Variants in MPZL1 observed in about 807,000 individuals in gnomAD.
MPZL1 encodes myelin protein zero-like protein 1.
MPZL1 carries 16 observed loss-of-function variants against 29.3 expected under a neutral mutation model. That is an observed-to-expected ratio of 0.55 (90% CI 0.37 to 0.83). The LOEUF (loss-of-function observed/expected upper bound fraction) is 0.83. Among genes scored for constraint, MPZL1 ranks in the 40% least tolerant of loss-of-function variants. The pLI, the probability that MPZL1 is intolerant of heterozygous loss-of-function variation, is 0.00. For missense variants in MPZL1, 279 were observed against 332.9 expected (o/e 0.84, Z 1.26); for synonymous variants, 143 against 132.0 (o/e 1.08, Z -0.57).
At chr1:167,761,769 G>A (rs1558119116) in intron 1 of MPZL1, among the ~76,000 whole-genome samples, 1 of 152,204 alleles carries the variant, frequency 6.6e-6, no homozygotes, top group Non-Finnish European at 1.5e-5. Context: ...TTGTCCAGCT[G>A]TGGTCAGCCA....
At chr1:167,780,674 C>T (rs1434334389) in intron 5 of MPZL1, among the ~76,000 whole-genome samples, 1 of 152,090 alleles carries the variant, frequency 6.6e-6, no homozygotes, top group Non-Finnish European at 1.5e-5. Flanking sequence ...CTACTAATAT[C>T]CCATACCCTA....
At position 167,724,917 on chromosome 1, in the gene MPZL1, CAA is replaced by C. The variant is rs903501301; in HGVS notation, c.91+2677_91+2678del. Among the ~76,000 whole-genome samples, 182 of 152,188 alleles carry C rather than the reference CAA, an allele frequency of 1.2e-3. 2 individuals carry two copies. Among genetic ancestry groups the C allele is most frequent in the African/African-American group, 4.2e-3 (175 of 41,518 alleles). On this transcript the variant is annotated intron_variant, in intron 1 of 5. Transcript: ENST00000359523. The stretch of plus-strand genomic sequence containing the variant: ...GAGTTTTGGGGTATATGAAACCTGA[CAA>C]AGAGTCTCTGTGAGTAAGAGAAAAA...
At chr1:167,767,562 A>G (rs1438156842) in intron 2 of MPZL1, among the ~76,000 whole-genome samples, 1 of 152,238 alleles carries the variant, frequency 6.6e-6, no homozygotes, top group Non-Finnish European at 1.5e-5. Flanking sequence ...ATTGCAGTTA[A>G]TCCCAGCATG....
chr1:167,745,277 A>T (rs1660621444), intron 1 of MPZL1, among the ~76,000 whole-genome samples: 1 of 152,080 alleles, frequency 6.6e-6, no homozygotes, highest in Admixed American at 6.6e-5. Context: ...ATCAAAAATG[A>T]TGTCAGACTC....
At chr1:167,763,669 A>G (rs1005601441) in intron 1 of MPZL1, among the ~76,000 whole-genome samples, 2 of 152,194 alleles carry the variant, frequency 1.3e-5, no homozygotes, top group Non-Finnish European at 2.9e-5. Context: ...AAGCTGGTCC[A>G]CTAGTCTAGT....
chr1:167,778,022 A>G (rs966722485), intron 5 of MPZL1, among the ~76,000 whole-genome samples: 4 of 152,192 alleles, frequency 2.6e-5, no homozygotes, highest in Admixed American at 6.5e-5. Flanking sequence ...TCTGGCACCA[A>G]TCAAAAACTA....
At chr1:167,754,933 A>G (rs1449795127) in intron 1 of MPZL1, among the ~76,000 whole-genome samples, 4 of 152,192 alleles carry the variant, frequency 2.6e-5, no homozygotes, top group African/African-American at 9.7e-5. Flanking sequence ...CAGATTTCCC[A>G]TCTGTCTCCT....
At chr1:167,768,050 C>T (rs1307925149) in intron 2 of MPZL1, among the ~76,000 whole-genome samples, 1 of 151,928 alleles carries the variant, frequency 6.6e-6, no homozygotes, top group African/African-American at 2.4e-5. Flanking sequence ...TAACTGTGTG[C>T]CTGGTCTTGT....
chr1:167,768,882 AG>A (rs1321997860), intron 2 of MPZL1, among the ~76,000 whole-genome samples: 1 of 152,218 alleles, frequency 6.6e-6, no homozygotes, highest in Non-Finnish European at 1.5e-5. Flanking sequence ...TGTTGTGGGA[AG>A]GGAAGGCAGA....
At chr1:167,725,994 CCTT>C (rs1362392640) in intron 1 of MPZL1, among the ~76,000 whole-genome samples, 1 of 152,204 alleles carries the variant, frequency 6.6e-6, no homozygotes, top group African/African-American at 2.4e-5. Context: ...GATCATGTTG[CCTT>C]CTTTTTTAAA....
intron 1 of MPZL1, among the ~76,000 whole-genome samples, chr1:167,729,824 T>C (rs1468831893): frequency 2.6e-5 from 4 of 152,256 alleles, no homozygotes; most frequent in Admixed American, 1.3e-4. Flanking sequence ...GATTTACTTA[T>C]ATACTCCTCA....
At chr1:167,739,085 G>A (rs1303821959) in intron 1 of MPZL1, among the ~76,000 whole-genome samples, 3 of 151,482 alleles carry the variant, frequency 2.0e-5, no homozygotes, top group African/African-American at 4.9e-5. Context: ...GGGACCACAG[G>A]TGCACACCAC....
intron 1 of MPZL1, among the ~76,000 whole-genome samples, chr1:167,738,352 A>G (rs895692356): frequency 7.9e-5 from 12 of 152,226 alleles, no homozygotes; most frequent in Non-Finnish European, 1.5e-4. Context: ...TCAGTGCACA[A>G]AAATGAACAT....
intron 2 of MPZL1, among the ~76,000 whole-genome samples, chr1:167,766,299 T>C (rs1339113490): frequency 6.6e-6 from 1 of 152,208 alleles, no homozygotes; most frequent in African/African-American, 2.4e-5. Context: ...ATAAAGGATG[T>C]AACAGAAATA....
rs1402643570 is a variant in MPZL1, at chr1:167,730,265, T to C, written c.91+8023T>C. Among the ~76,000 whole-genome samples the C allele has an allele frequency of 2.0e-5, 3 of 152,138 alleles. No individual in the cohort carries two copies. In the East Asian group the frequency reaches 5.8e-4, roughly 29 times the overall value. The stretch of plus-strand genomic sequence containing the variant: ...CAGGGATTTTTAATGATGTTCTTTT[T>C]TTTTTCTTTTTCTTTCTTTCTTTTC... On this transcript the variant is annotated intron_variant, in intron 1 of 5. Coordinates refer to ENST00000359523, the MANE Select transcript of MPZL1 (RefSeq NM_003953.6).
Position 167,788,278 on chromosome 1 carries a change from G to A in MPZL1, c.*357G>A, listed in dbSNP as rs976058769. The A allele has an allele frequency of 7.1e-5, 16 of 226,310 alleles. No homozygotes were observed. The highest frequency in any genetic ancestry group is 1.4e-4 in the Non-Finnish European group (16 of 112,354). 14.0% of individuals were successfully genotyped at this position (226,310 alleles called of 1,614,324 possible). A position where few individuals can be genotyped will look rare whatever the true frequency, so the allele number is the denominator to read the frequency against. ...CTTAATGGAGACAATAGCAGATCCT[G>A]TAGTATTTCCAGTAGACATGGCCTT... is the stretch of plus-strand genomic sequence containing the variant. On this transcript the variant is annotated 3_prime_UTR_variant, in exon 6 of 6. Coordinates refer to ENST00000359523, the MANE Select transcript of MPZL1 (RefSeq NM_003953.6).
intron 2 of MPZL1, among the ~76,000 whole-genome samples, chr1:167,767,262 A>G (rs1661133522): frequency 6.6e-6 from 1 of 152,242 alleles, no homozygotes; most frequent in Admixed American, 6.5e-5. Context: ...AGCATAGAAC[A>G]TACACTAATG....
At position 167,772,408 on chromosome 1, in the gene MPZL1, G is replaced by A. The variant is rs1312139720; in HGVS notation, c.392G>A (p.Gly131Asp). Residue 131 changes from glycine to aspartate, a missense_variant, in exon 3 of 6, where the codon GGC (glycine) becomes GAC (aspartate). By Grantham distance (94) the Gly-to-Asp change is moderately conservative. Transcript: ENST00000359523. ...NIENMQFIHNGTYICDVKNPP... is the reference protein window; with the variant it reads ...NIENMQFIHNDTYICDVKNPP... ...GAAAATATGCAGTTTATACACAATGGCACCTATATCTGTGATGTCAAAAAC... is the reference window on the plus strand; with the variant it reads ...GAAAATATGCAGTTTATACACAATGACACCTATATCTGTGATGTCAAAAAC... 6.2e-7 allele frequency: 1 copy of A among 1,613,938 alleles called. No individual in the cohort carries two copies. Among genetic ancestry groups the A allele is most frequent in the Non-Finnish European group, 8.5e-7 (1 of 1,179,964 alleles).
At chr1:167,784,841 C>T (rs1661561894) in intron 5 of MPZL1, among the ~76,000 whole-genome samples, 1 of 152,200 alleles carries the variant, frequency 6.6e-6, no homozygotes. Context: ...CAGTGGTAAA[C>T]AGTTTGAAGA....
Sources: gnomAD v4.1 joint callset for allele counts (sites outside exome capture counted in the v4.1 genomes callset) on GRCh38, gnomAD v4.1.1 for gene constraint, MANE v1.5 for transcripts, NCBI Gene and HGNC (gene_info 2026-07-23, HGNC 2026-07-21) for gene names.